MKLN1: variants seen among roughly 807,000 people sequenced by gnomAD.
The protein encoded by MKLN1 is muskelin.
In MKLN1, 18 loss-of-function variants were observed where a neutral mutation model predicts 99.0. The ratio of observed to expected loss-of-function variants is 0.18; its 90% CI spans 0.13 to 0.27. The LOEUF (loss-of-function observed/expected upper bound fraction) is 0.27. Among genes scored for constraint, MKLN1 ranks in the 10% least tolerant of loss-of-function variants. MKLN1 has a pLI of 1.00. For missense variants in MKLN1, 621 were observed against 875.9 expected (o/e 0.71, Z 3.67); for synonymous variants, 288 against 293.2 (o/e 0.98, Z 0.18).
intron 3 of MKLN1, among the ~76,000 whole-genome samples, chr7:131,292,657 G>A (rs1019845263): frequency 2.6e-5 from 4 of 152,228 alleles, no homozygotes; most frequent in African/African-American, 9.6e-5. Context: ...GAATAGGCAA[G>A]GATTTTCCCC....
chr7:131,475,031 G>A (rs974488431), intron 16 of MKLN1, among the ~76,000 whole-genome samples: 3 of 152,010 alleles, frequency 2.0e-5, no homozygotes, highest in South Asian at 2.1e-4. Context: ...GAACAGCAAG[G>A]GGGAAATTGG....
intron 1 of MKLN1, among the ~76,000 whole-genome samples, chr7:131,119,102 G>A (rs973515967): frequency 1.3e-5 from 2 of 152,202 alleles, no homozygotes; most frequent in Non-Finnish European, 2.9e-5. Context: ...CTATGAGCCT[G>A]TAAAATCAAA....
chr7:131,249,699 A>C (rs1329591243), intron 3 of MKLN1, among the ~76,000 whole-genome samples: 3 of 152,192 alleles, frequency 2.0e-5, no homozygotes, highest in Non-Finnish European at 2.9e-5. Flanking sequence ...AGGGAGGAGA[A>C]AGGGCCCTCC....
intron 17 of MKLN1, among the ~76,000 whole-genome samples, chr7:131,482,192 T>A (rs1328928172): frequency 1.3e-5 from 2 of 152,154 alleles, no homozygotes; most frequent in Non-Finnish European, 2.9e-5. Context: ...GCCTATTTAT[T>A]TATTTATTCA....
At chr7:131,288,821 A>G (rs532295307) in intron 3 of MKLN1, among the ~76,000 whole-genome samples, 1 of 152,070 alleles carries the variant, frequency 6.6e-6, no homozygotes, top group South Asian at 2.1e-4. Flanking sequence ...CTGCCACATG[A>G]CCTCAGCTTT....
At position 131,330,218 on chromosome 7, in the gene MKLN1, ATTG is replaced by A. The variant is rs1193862690; in HGVS notation, c.98+2226_98+2228del. 2.6e-5 allele frequency among the ~76,000 whole-genome samples: 4 copies of A among 152,312 alleles called. No individual in the cohort carries two copies. The East Asian group carries it at 5.8e-4, about 22-fold the overall frequency. ...TGCCCTAAAATCCCCTCTAGCAGCA[ATTG>A]TTGTATCTTTACTGGCAGTGGAAAC... is the stretch of plus-strand genomic sequence containing the variant. On this transcript the variant is annotated intron_variant, in intron 1 of 17. Coordinates refer to ENST00000352689, the MANE Select transcript of MKLN1 (RefSeq NM_013255.5).
At chr7:131,133,244 C>T (rs978575149) in intron 1 of MKLN1, among the ~76,000 whole-genome samples, 2 of 151,888 alleles carry the variant, frequency 1.3e-5, no homozygotes, top group African/African-American at 4.8e-5. Flanking sequence ...CCAGCCTTAC[C>T]TGCTTCCCTC....
chr7:131,478,700 T>G, intron 17 of MKLN1, 23 bp downstream of exon 17: 1 of 1,609,220 alleles, frequency 6.2e-7, no homozygotes, highest in Non-Finnish European at 8.5e-7. Context: ...GTATAATTTA[T>G]CCAGCTAGAT....
At chr7:131,244,357 A>C (rs910005166) in intron 3 of MKLN1, among the ~76,000 whole-genome samples, 1 of 152,136 alleles carries the variant, frequency 6.6e-6, no homozygotes, top group Non-Finnish European at 1.5e-5. Flanking sequence ...AGTTCTCTGA[A>C]TAACACTATG....
intron 12 of MKLN1, among the ~76,000 whole-genome samples, chr7:131,447,675 T>A (rs966792738): frequency 3.9e-5 from 6 of 152,238 alleles, no homozygotes; most frequent in African/African-American, 1.4e-4. Context: ...AGTGCTAGAC[T>A]ACGGACACAG....
At chr7:131,306,295 C>A (rs1282992759) in intron 3 of MKLN1, among the ~76,000 whole-genome samples, 1 of 152,130 alleles carries the variant, frequency 6.6e-6, no homozygotes, top group Non-Finnish European at 1.5e-5. Context: ...TGGGGCACTG[C>A]TATAAAGATA....
rs566588448 is a variant in MKLN1 at position 131,192,054 on chromosome 7, A to C, written c.-296-10803A>C. Among the ~76,000 whole-genome samples the C allele has an allele frequency of 2.0e-5, 2 of 101,672 alleles. 1 individual carries two copies. Among genetic ancestry groups the C allele is most frequent in the African/African-American group, 8.3e-5 (2 of 24,150 alleles). The allele number at this position is 101,672 out of a possible 152,430, so 66.7% of individuals were successfully genotyped here. On this transcript the variant is annotated intron_variant, in intron 2 of 7. Transcript: ENST00000416992. ...TGTATGTGTGTGTGTATATGTATACATGTATATATATATTATATATATACA... is the reference window on the plus strand; with the variant it reads ...TGTATGTGTGTGTGTATATGTATACCTGTATATATATATTATATATATACA...
intron 3 of MKLN1, among the ~76,000 whole-genome samples, chr7:131,249,429 T>G (rs1400095154): frequency 6.6e-6 from 1 of 152,218 alleles, no homozygotes; most frequent in African/African-American, 2.4e-5. Context: ...TGGTAAAGGA[T>G]GTACTTATAA....
intron 2 of MKLN1, among the ~76,000 whole-genome samples, chr7:131,149,303 G>C (rs1047558079): frequency 6.6e-6 from 1 of 152,026 alleles, no homozygotes; most frequent in African/African-American, 2.4e-5. Context: ...TTTACTTCAA[G>C]TCCACTTACA....
chr7:131,416,528 T>TC (rs1795019313), intron 8 of MKLN1, among the ~76,000 whole-genome samples: 3 of 151,228 alleles, frequency 2.0e-5, no homozygotes, highest in South Asian at 2.1e-4. Flanking sequence ...TTTCTTTCTT[T>TC]TTTTTTTTTT....
At chr7:131,275,494 G>C (rs1453278344) in intron 3 of MKLN1, among the ~76,000 whole-genome samples, 1 of 116,938 alleles carries the variant, frequency 8.6e-6, no homozygotes, top group South Asian at 3.1e-4. Flanking sequence ...TCAGCCTCCC[G>C]AGCAGCTGCG....
chr7:131,188,754 A>G (rs895885772), intron 2 of MKLN1, among the ~76,000 whole-genome samples: 4 of 152,242 alleles, frequency 2.6e-5, no homozygotes, highest in African/African-American at 9.6e-5. Flanking sequence ...GACAGAATTG[A>G]GGCCATGTTT....
intron 15 of MKLN1, among the ~76,000 whole-genome samples, chr7:131,469,943 A>G (rs188080885): frequency 7.8e-4 from 117 of 150,516 alleles, no homozygotes; most frequent in African/African-American, 2.6e-3. Context: ...TGGTACAATC[A>G]TGGCTCACTA....
At chr7:131,328,160 G>T in intron 1 of MKLN1, 163 bp downstream of exon 1, 1 of 875,428 alleles carries the variant, frequency 1.1e-6, no homozygotes, top group Non-Finnish European at 1.7e-6. Context: ...AGCGTTGCTC[G>T]GCCTCGCTCG....
Sources: gnomAD v4.1 joint callset for allele counts (sites outside exome capture counted in the v4.1 genomes callset) on GRCh38, gnomAD v4.1.1 for gene constraint, MANE v1.5 for transcripts, NCBI Gene and HGNC (gene_info 2026-07-23, HGNC 2026-07-21) for gene names.